Variants in USP13 observed in about 807,000 individuals in gnomAD.
USP13 encodes the protein ubiquitin carboxyl-terminal hydrolase 13.
USP13 carries 68 observed loss-of-function variants against 107.8 expected under a neutral mutation model. The observed-to-expected ratio is 0.63, with a 90% CI of 0.52 to 0.77. The LOEUF is 0.77. Ranked by LOEUF, USP13 falls within the 30% of genes least tolerant of loss-of-function variation. The pLI, the probability that USP13 is intolerant of heterozygous loss-of-function variation, is 0.00. For synonymous variants in USP13, 377 were observed against 389.5 expected, an observed-to-expected ratio of 0.97 and a Z score of 0.38; for missense variants, 945 against 1,093.3, an observed-to-expected ratio of 0.86 and a Z score of 1.91.
chr3:179,680,685 G>A (rs1436652451), intron 1 of USP13, among the ~76,000 whole-genome samples: 2 of 152,062 alleles, frequency 1.3e-5, no homozygotes, highest in Non-Finnish European at 2.9e-5. Context: ...TGGGATTACA[G>A]GCACGCACCA....
intron 6 of USP13, among the ~76,000 whole-genome samples, chr3:179,715,043 ATTTTTTTCCAT>A (rs1429124584): frequency 2.7e-5 from 4 of 149,694 alleles, no homozygotes; most frequent in Admixed American, 6.6e-5. Flanking sequence ...TACTCGGCTA[ATTTTTTTCCAT>A]TTTTTTTTGT....
intron 1 of USP13, among the ~76,000 whole-genome samples, chr3:179,656,722 C>T (rs899320016): frequency 2.0e-5 from 3 of 152,148 alleles, no homozygotes; most frequent in Admixed American, 2.0e-4. Context: ...GAATCATTTC[C>T]ATATTGCCTT....
chr3:179,741,087 T>A (rs1714179988), intron 11 of USP13, among the ~76,000 whole-genome samples: 1 of 152,136 alleles, frequency 6.6e-6, no homozygotes, highest in Non-Finnish European at 1.5e-5. Flanking sequence ...AAAGCCTTTT[T>A]TTTTTTTCCT....
chr3:179,666,882 C>T (rs1208416862), intron 1 of USP13, among the ~76,000 whole-genome samples: 1 of 152,224 alleles, frequency 6.6e-6, no homozygotes, highest in Non-Finnish European at 1.5e-5. Flanking sequence ...CTAGACTGGC[C>T]TGGGCTCAAA....
intron 8 of USP13, among the ~76,000 whole-genome samples, chr3:179,725,036 A>G (rs889666853): frequency 6.6e-6 from 1 of 152,092 alleles, no homozygotes; most frequent in African/African-American, 2.4e-5. Flanking sequence ...CCTGGCCAAC[A>G]TGGCAAAACC....
chr3:179,687,551 C>T (rs747480736), intron 2 of USP13, among the ~76,000 whole-genome samples: 6 of 149,886 alleles, frequency 4.0e-5, no homozygotes, highest in African/African-American at 9.8e-5. Flanking sequence ...CCCAGCTACT[C>T]GGGAGGCTGG....
chr3:179,663,796 C>A (rs1720516124), intron 1 of USP13, among the ~76,000 whole-genome samples: 1 of 152,188 alleles, frequency 6.6e-6, no homozygotes, highest in Admixed American at 6.5e-5. Context: ...TCTAGGTGCT[C>A]CATGCTCTTG....
intron 17 of USP13, among the ~76,000 whole-genome samples, chr3:179,761,888 A>C (rs1485267274): frequency 6.6e-6 from 1 of 152,248 alleles, no homozygotes; most frequent in Non-Finnish European, 1.5e-5. Flanking sequence ...AAACATGGGC[A>C]TGAAGAAATG....
intron 12 of USP13, among the ~76,000 whole-genome samples, chr3:179,743,025 T>G (rs1412662758): frequency 6.6e-6 from 1 of 152,198 alleles, no homozygotes; most frequent in Non-Finnish European, 1.5e-5. Context: ...GGATTGTGCA[T>G]CTCCTGTGAA....
chr3:179,680,692 A>G (rs1319453320), intron 1 of USP13, among the ~76,000 whole-genome samples: 2 of 152,000 alleles, frequency 1.3e-5, no homozygotes, highest in Non-Finnish European at 2.9e-5. Flanking sequence ...ACAGGCACGC[A>G]CCACCACGCC....
At chr3:179,698,504 T>TC (rs1712395351) in intron 3 of USP13, among the ~76,000 whole-genome samples, 1 of 151,992 alleles carries the variant, frequency 6.6e-6, no homozygotes, top group African/African-American at 2.4e-5. Context: ...GTTTTTTTTT[T>TC]TCTTGTATTA....
chr3:179,746,228 T>A (rs1365351054), intron 13 of USP13, among the ~76,000 whole-genome samples: 3 of 147,114 alleles, frequency 2.0e-5, no homozygotes, highest in East Asian at 2.0e-4. Context: ...ATATAAAATT[T>A]TATATATATA....
chr3:179,772,304 A>G (rs1715364940), intron 19 of USP13, among the ~76,000 whole-genome samples: 1 of 152,224 alleles, frequency 6.6e-6, no homozygotes, highest in South Asian at 2.1e-4. Context: ...GTTTCACTTA[A>G]TGAGCATTTA....
At chr3:179,776,930 CT>C (rs1270847680) in intron 19 of USP13, among the ~76,000 whole-genome samples, 1 of 128,944 alleles carries the variant, frequency 7.8e-6, no homozygotes, top group Admixed American at 8.9e-5. Context: ...AGTAGCTTCT[CT>C]CTCTGGTGAA....
chr3:179,675,641 G>A (rs146633995), intron 1 of USP13, among the ~76,000 whole-genome samples: 1,696 of 151,832 alleles, frequency 0.011, 40 homozygotes, highest in African/African-American at 0.039. Context: ...CCTGCCTCCC[G>A]GGTTCAAGGA....
chr3:179,674,595 T>A (rs974696569), intron 1 of USP13, among the ~76,000 whole-genome samples: 3 of 151,574 alleles, frequency 2.0e-5, no homozygotes, highest in African/African-American at 7.3e-5. Context: ...AGATACTGCA[T>A]GTGTGAATAT....
Position 179,774,244 on chromosome 3 carries a change from G to A in USP13, c.2414-7495G>A, listed in dbSNP as rs562900860. Among the ~76,000 whole-genome samples, 5 of 152,240 alleles carry A rather than the reference G, an allele frequency of 3.3e-5. No individual in the cohort carries two copies. The South Asian group carries it at 1.0e-3, about 32-fold the overall frequency. On this transcript the variant is annotated intron_variant, in intron 19 of 20. Transcript: ENST00000263966. ...ACTTATTACCAGGAGAGGGCACCAA[G>A]GTATTCATGAGGGATCCACCTCCAT...
At chr3:179,719,844 C>T (rs1193685990) in intron 6 of USP13, 96 bp from the exon 7 acceptor site, 39 of 978,658 alleles carry the variant, frequency 4.0e-5, no homozygotes. Flanking sequence ...GTGATATAGC[C>T]CAAGCCTGGT....
At chr3:179,754,921 T>C in intron 15 of USP13, 67 bp downstream of exon 15, 2 of 1,508,276 alleles carry the variant, frequency 1.3e-6, no homozygotes, top group East Asian at 2.4e-5. Context: ...AGTCTCTTTC[T>C]TCCACCACTG....
Sources: allele counts gnomAD v4.1 joint callset (sites outside exome capture counted in the v4.1 genomes callset), GRCh38; gene constraint gnomAD v4.1.1; transcripts MANE v1.5; gene names NCBI Gene and HGNC (gene_info 2026-07-23, HGNC 2026-07-21).